The following EXOC4 variants were observed in gnomAD, a reference collection of about 807,000 sequenced individuals.
The protein encoded by EXOC4 is SEC8-like 1.
A neutral mutation model predicts 107.2 loss-of-function variants in EXOC4; 71 were observed. That is an observed-to-expected ratio of 0.66 (90% confidence interval 0.55 to 0.81). The LOEUF (loss-of-function observed/expected upper bound fraction) is 0.81, where lower values mean the gene tolerates loss of function less well. EXOC4 is among the 30% of genes least tolerant of loss of function. The probability of loss-of-function intolerance (pLI) is 0.00; values close to 1 mark genes in which losing one functional copy is unlikely to be tolerated. For missense variants in EXOC4, 1,108 were observed against 1,189.6 expected, an observed-to-expected ratio of 0.93 and a Z score of 1.01; for synonymous variants, 456 against 441.2, an observed-to-expected ratio of 1.03 and a Z score of -0.42.
At chr7:133,496,310 C>T (rs113316172) in intron 9 of EXOC4, among the ~76,000 whole-genome samples, 8 of 152,140 alleles carry the variant, frequency 5.3e-5, no homozygotes, top group African/African-American at 1.2e-4. Flanking sequence ...TGTGCACCAC[C>T]GCATGCACCA....
At chr7:133,469,790 A>G (rs947970634) in intron 7 of EXOC4, among the ~76,000 whole-genome samples, 1 of 152,154 alleles carries the variant, frequency 6.6e-6, no homozygotes, top group Non-Finnish European at 1.5e-5. Context: ...TGGGTTTCCT[A>G]TTTCTCTCTC....
intron 7 of EXOC4, among the ~76,000 whole-genome samples, chr7:133,461,435 T>A (rs192046207): frequency 1.1e-4 from 17 of 152,326 alleles, no homozygotes; most frequent in Non-Finnish European, 2.4e-4. Flanking sequence ...AATTCTATTT[T>A]GAATGAACTA....
At chr7:134,078,854 G>T in the EXOC4 span, among the ~76,000 whole-genome samples, 6 of 152,286 alleles carry the variant, frequency 3.9e-5, no homozygotes, top group East Asian at 1.2e-3. Context: ...AGAACTTCTT[G>T]CATCTTGCAG....
At position 133,911,775 on chromosome 7, in the gene EXOC4, G is replaced by A. The variant is rs547680317; in HGVS notation, c.1872-5808G>A. 2.0e-5 allele frequency among the ~76,000 whole-genome samples: 3 copies of A among 152,302 alleles called. No homozygotes were observed. The South Asian group carries it at 6.2e-4, about 32-fold the overall frequency. ...CCTGAGGGCAGATATGGGCCAGCAT[G>A]GATGCGCTCAAAGACGTAGATGCTG... On this transcript the variant is annotated intron_variant, in intron 12 of 17. Transcript: ENST00000253861.
At chr7:133,971,377 G>T (rs1047092438) in intron 14 of EXOC4, among the ~76,000 whole-genome samples, 49 of 134,354 alleles carry the variant, frequency 3.6e-4, no homozygotes, top group Admixed American at 7.5e-4. Context: ...GAGAGAGAGA[G>T]AGAGAGAGAG....
intron 7 of EXOC4, among the ~76,000 whole-genome samples, chr7:133,437,833 T>G (rs746270776): frequency 3.3e-5 from 5 of 152,202 alleles, no homozygotes; most frequent in Non-Finnish European, 7.3e-5. Context: ...TATACAAATA[T>G]GTCTTTTTCA....
chr7:133,806,513 A>G (rs1222599548), intron 10 of EXOC4, among the ~76,000 whole-genome samples: 1 of 152,154 alleles, frequency 6.6e-6, no homozygotes, highest in East Asian at 1.9e-4. Flanking sequence ...GATATATTCA[A>G]ATGCTTATAT....
chr7:133,405,012 T>C (rs1797185176), intron 7 of EXOC4, among the ~76,000 whole-genome samples: 1 of 151,834 alleles, frequency 6.6e-6, no homozygotes, highest in Non-Finnish European at 1.5e-5. Context: ...AGTTCAAGGC[T>C]GCAATGAGTT....
intron 14 of EXOC4, among the ~76,000 whole-genome samples, chr7:133,990,657 T>C (rs1296690554): frequency 4.6e-5 from 7 of 152,136 alleles, no homozygotes; most frequent in Non-Finnish European, 7.4e-5. Flanking sequence ...GGTTTCAGCA[T>C]GTTGGCCGGG....
At chr7:133,697,212 A>T (rs60147418) in intron 10 of EXOC4, among the ~76,000 whole-genome samples, 11,762 of 152,206 alleles carry the variant, frequency 0.077, 523 homozygotes, top group Middle Eastern at 0.13. Context: ...TAGACTGGAT[A>T]TATCATATTC....
At chr7:133,644,741 T>C (rs1178148246) in intron 10 of EXOC4, among the ~76,000 whole-genome samples, 6 of 152,266 alleles carry the variant, frequency 3.9e-5, no homozygotes, top group Middle Eastern at 3.4e-3. Context: ...CATTCCCAGG[T>C]ACTCCATGGG....
intron 1 of EXOC4, among the ~76,000 whole-genome samples, chr7:133,260,418 C>T (rs764853254): frequency 4.6e-5 from 7 of 152,000 alleles, no homozygotes; most frequent in African/African-American, 1.2e-4. Flanking sequence ...GGATTATAGG[C>T]GTGCGCCACC....
chr7:133,715,391 A>T (rs1287262547), intron 10 of EXOC4, among the ~76,000 whole-genome samples: 2 of 152,002 alleles, frequency 1.3e-5, no homozygotes, highest in African/African-American at 4.8e-5. Context: ...GTGAAACCTG[A>T]CTGCAGACCA....
At chr7:133,334,932 T>C (rs1451294449) in intron 5 of EXOC4, among the ~76,000 whole-genome samples, 1 of 152,252 alleles carries the variant, frequency 6.6e-6, no homozygotes, top group African/African-American at 2.4e-5. Flanking sequence ...GTAGTATTCA[T>C]GTTGTATATG....
intron 9 of EXOC4, among the ~76,000 whole-genome samples, chr7:133,565,783 G>A (rs970976900): frequency 6.6e-6 from 1 of 152,140 alleles, no homozygotes; most frequent in Non-Finnish European, 1.5e-5. Flanking sequence ...AGTCTAGGGT[G>A]GGGCAGTTTG....
chr7:133,806,209 A>C (rs910084881), intron 10 of EXOC4, among the ~76,000 whole-genome samples: 1 of 152,268 alleles, frequency 6.6e-6, no homozygotes, highest in Non-Finnish European at 1.5e-5. Context: ...ATGTCTATAC[A>C]TCTAGAAGCT....
At chr7:133,710,608 C>T (rs1004651619) in intron 10 of EXOC4, among the ~76,000 whole-genome samples, 1 of 144,920 alleles carries the variant, frequency 6.9e-6, no homozygotes, top group Admixed American at 7.0e-5. Context: ...TGCAGTGAGC[C>T]GAGATCCCGC....
chr7:133,768,689 T>C (rs1355197866), intron 10 of EXOC4, among the ~76,000 whole-genome samples: 2 of 151,972 alleles, frequency 1.3e-5, no homozygotes, highest in African/African-American at 4.8e-5. Flanking sequence ...CCCTAAAATT[T>C]GTTGCTGAAT....
chr7:133,690,532 C>A (rs1326972794), intron 10 of EXOC4, among the ~76,000 whole-genome samples: 1 of 152,146 alleles, frequency 6.6e-6, no homozygotes, highest in Non-Finnish European at 1.5e-5. Flanking sequence ...CTGAGAGGGG[C>A]AGCTCTCCTG....
Sources: allele counts gnomAD v4.1 joint callset (sites outside exome capture counted in the v4.1 genomes callset), GRCh38; gene constraint gnomAD v4.1.1; transcripts MANE v1.5; gene names NCBI Gene and HGNC (gene_info 2026-07-23, HGNC 2026-07-21).